Variants in GPR180 observed in about 807,000 individuals in gnomAD.
GPR180 encodes the protein G protein-coupled receptor 180, also known as integral membrane protein GPR180.
GPR180 carries 53 observed loss-of-function variants against 52.6 expected under a neutral mutation model. That is an observed-to-expected ratio of 1.01 (90% confidence interval 0.81 to 1.27). GPR180 has a LOEUF of 1.27. Among genes scored for constraint, GPR180 ranks in the 50% most tolerant of loss-of-function variants. GPR180 has a pLI of 0.00. For synonymous variants in GPR180, 200 were observed against 193.1 expected (o/e 1.04, Z -0.30); for missense variants, 533 against 527.0 (o/e 1.01, Z -0.11).
chr13:94,616,376 GCT>G (rs1471418219), intron 3 of GPR180, among the ~76,000 whole-genome samples: 1 of 152,196 alleles, frequency 6.6e-6, no homozygotes, highest in Non-Finnish European at 1.5e-5. Context: ...GACCACTGGG[GCT>G]CTGAGACAAG....
At chr13:94,602,117 C>T (rs1300544046) in intron 1 of GPR180, 45 bp downstream of exon 1, 4 of 1,278,576 alleles carry the variant, frequency 3.1e-6, no homozygotes, top group Non-Finnish European at 3.0e-6. Context: ...GCTGGCCCAT[C>T]CCGCCGGCTG....
At chr13:94,626,182 C>G in intron 8 of GPR180, 139 bp downstream of exon 8, 1 of 501,482 alleles carries the variant, frequency 2.0e-6, no homozygotes, top group Non-Finnish European at 3.5e-6. Context: ...AATAGTAAAC[C>G]AATAAGCAGA....
At chr13:94,625,266 T>C (rs532675773) in intron 7 of GPR180, among the ~76,000 whole-genome samples, 3 of 152,240 alleles carry the variant, frequency 2.0e-5, no homozygotes, top group Non-Finnish European at 4.4e-5. Context: ...GTTCTTAATT[T>C]ATCCTTCTGG....
intron 2 of GPR180, 130 bp downstream of exon 2, chr13:94,605,679 T>C: frequency 4.2e-6 from 3 of 708,926 alleles, no homozygotes. Flanking sequence ...CTTTGTCTAG[T>C]ACATTTTAAG....
chr13:94,621,371 T>C, intron 6 of GPR180, 136 bp downstream of exon 6: 1 of 604,246 alleles, frequency 1.7e-6, no homozygotes, highest in African/African-American at 1.9e-5. Flanking sequence ...TCTGAGCTTC[T>C]ACAATTTGTG....
At chr13:94,608,096 G>A (rs946748941) in intron 2 of GPR180, among the ~76,000 whole-genome samples, 25 of 152,092 alleles carry the variant, frequency 1.6e-4, no homozygotes, top group Admixed American at 9.2e-4. Flanking sequence ...CCTCATTTTC[G>A]TATGAGTCAT....
intron 2 of GPR180, among the ~76,000 whole-genome samples, chr13:94,611,134 C>T (rs1889697916): frequency 6.6e-6 from 1 of 152,124 alleles, no homozygotes; most frequent in Non-Finnish European, 1.5e-5. Context: ...AGGATTCAAA[C>T]ATACATCTGA....
chr13:94,627,262 T>C lies in GPR180; in HGVS notation c.*91T>C, dbSNP rs1889940970. ...TGACTTTTTTTTCATACATTTAGTA[T>C]GAAAACTTGAACAGCGAAAGCAGAG... On this transcript the variant is annotated 3_prime_UTR_variant, in exon 9 of 9. Transcript: ENST00000376958. The C allele has an allele frequency of 1.0e-5, 11 of 1,070,918 alleles. No individual in the cohort carries two copies. The Admixed American group carries it at 2.5e-4, about 24-fold the overall frequency. The allele number at this position is 1,070,918 out of a possible 1,614,324, so 66.3% of individuals were successfully genotyped here.
intron 3 of GPR180, among the ~76,000 whole-genome samples, chr13:94,613,066 A>G (rs1421426208): frequency 6.6e-6 from 1 of 152,230 alleles, no homozygotes; most frequent in East Asian, 1.9e-4. Context: ...TCTTATGATC[A>G]TGATGAACAT....
chr13:94,627,141 A>G lies in GPR180; in HGVS notation c.1293A>G (p.Ser431=), dbSNP rs1889939013. ...LSSVTLPLTI[S]SGHKSRPHF ...CAGTAACACTACCACTGACCATATC[A>G]TCTGGACACAAAAGTCGCCCTCATT... Residue 431 remains serine (S), a synonymous_variant, in exon 9 of 9, where the codon TCA becomes TCG. Coordinates refer to ENST00000376958, the MANE Select transcript of GPR180 (RefSeq NM_180989.6). The G allele has an allele frequency of 3.7e-6, 6 of 1,612,620 alleles. No homozygotes were observed. The highest frequency in any genetic ancestry group is 5.1e-6 in the Non-Finnish European group (6 of 1,179,342).
chr13:94,602,030 C>A lies in GPR180; in HGVS notation c.103C>A (p.Gln35Lys). The A allele has an allele frequency of 2.1e-6, 3 of 1,455,038 alleles. No individual in the cohort carries two copies. The highest frequency in any genetic ancestry group is 5.6e-5 in the East Asian group (2 of 35,420). The allele number at this position is 1,455,038 out of a possible 1,614,324, so 90.1% of individuals were successfully genotyped here. Residue 35 changes from glutamine to lysine, a missense_variant, in exon 1 of 9, where the codon CAG becomes AAG. Gln to Lys is a moderately conservative substitution (Grantham distance 53). Coordinates refer to ENST00000376958, the MANE Select transcript of GPR180 (RefSeq NM_180989.6). ...GGGCAGCTTCAGCAGCACCGCGGCC[C>A]AGGACGCCCAGGGCCAGCGCATCGG... ...LRGSFSSTAAQDAQGQRIGHF... is the reference protein window; with the variant it reads ...LRGSFSSTAAKDAQGQRIGHF...
chr13:94,623,416 T>TG (rs1466076207), intron 7 of GPR180, 116 bp downstream of exon 7: 2 of 764,674 alleles, frequency 2.6e-6, no homozygotes, highest in Non-Finnish European at 4.2e-6. Context: ...TTGGGCACAG[T>TG]GGCTCACTCC....
In GPR180 at chr13:94,627,731, G is replaced by T. The variant is rs1889946388; in HGVS notation, c.*560G>T. 6.6e-6 allele frequency: 1 copy of T among 152,044 alleles called. No individual in the cohort carries two copies. Among genetic ancestry groups the T allele is most frequent in the East Asian group, 1.9e-4 (1 of 5,202 alleles). 9.4% of individuals were successfully genotyped at this position (152,044 alleles called of 1,614,324 possible). On this transcript the variant is annotated 3_prime_UTR_variant, in exon 9 of 9. Coordinates refer to ENST00000376958, the MANE Select transcript of GPR180 (RefSeq NM_180989.6). Reference sequence around the variant, plus strand: ...ATGAATAAGCTTTTGTTTATTTGTGGGTGGAGTTATTCTCCAATTTTTTCT... The same window carrying T: ...ATGAATAAGCTTTTGTTTATTTGTGTGTGGAGTTATTCTCCAATTTTTTCT...
chr13:94,624,743 C>T (rs1889903011), intron 7 of GPR180, among the ~76,000 whole-genome samples: 1 of 152,136 alleles, frequency 6.6e-6, no homozygotes, highest in Admixed American at 6.5e-5. Context: ...GGGGTTTCAC[C>T]GTGTTAGCCA....
At chr13:94,618,638 T>C (rs552339685) in intron 3 of GPR180, among the ~76,000 whole-genome samples, 2 of 152,088 alleles carry the variant, frequency 1.3e-5, no homozygotes, top group South Asian at 4.1e-4. Flanking sequence ...TCTGATTCAA[T>C]AGATCAAAAA....
rs747389596 is a variant in GPR180 at position 94,623,162 on chromosome 13, T to G, written c.948T>G (p.His316Gln). The G allele has an allele frequency of 2.5e-6, 4 of 1,614,076 alleles. No homozygotes were observed. Among genetic ancestry groups the G allele is most frequent in the Non-Finnish European group, 3.4e-6 (4 of 1,179,966 alleles). The change falls in exon 7 of 9, where the codon CAT (histidine) becomes CAG (glutamine). Residue 316 changes from histidine (H) to glutamine (Q), a missense_variant. Coordinates refer to ENST00000376958, the MANE Select transcript of GPR180 (RefSeq NM_180989.6). Reference sequence around the variant, plus strand: ...AAGATATCAGTCATCATAGCTACCATTCACACCACAACTTAGCAGGGATCC... The same window carrying G: ...AAGATATCAGTCATCATAGCTACCAGTCACACCACAACTTAGCAGGGATCC... ...QFEDISHHSY[H>Q]SHHNLAGILL...
chr13:94,618,420 A>ATTTTTTTT lies in GPR180; in HGVS notation c.506-714_506-707dup, dbSNP rs570807308. Among the ~76,000 whole-genome samples the ATTTTTTTT allele has an allele frequency of 1.8e-3, 155 of 87,122 alleles. 31 individuals are homozygous for ATTTTTTTT. The highest frequency in any genetic ancestry group is 8.1e-3 in the African/African-American group (128 of 15,824). The allele number at this position is 87,122 out of a possible 152,430, so 57.2% of individuals were successfully genotyped here. ...CATGGAGTCGCATGATCAGCACAGG[A>ATTTTTTTT]TTTTTTTTTTTTTTTTTTTTTTTGG... On this transcript the variant is annotated intron_variant, in intron 3 of 8. Coordinates refer to ENST00000376958, the MANE Select transcript of GPR180 (RefSeq NM_180989.6).
Position 94,620,066 on chromosome 13 carries a change from T to C in GPR180, c.736+549T>C, listed in dbSNP as rs1889832485. 2.6e-5 allele frequency among the ~76,000 whole-genome samples: 4 copies of C among 152,202 alleles called. No homozygotes were observed. The South Asian group carries it at 8.3e-4, about 32-fold the overall frequency. Reference sequence around the variant, plus strand: ...TATTTATATACATTCTCTCATCTTATCCTCAATAGAAAAGGGGTCTGCATA... The same window carrying C: ...TATTTATATACATTCTCTCATCTTACCCTCAATAGAAAAGGGGTCTGCATA... On this transcript the variant is annotated intron_variant, in intron 5 of 8. Transcript: ENST00000376958.
In GPR180 at chr13:94,603,369, C is replaced by T. The variant is rs1435577095; in HGVS notation, c.145+1297C>T. Among the ~76,000 whole-genome samples, 3 of 152,256 alleles carry T rather than the reference C, an allele frequency of 2.0e-5. No homozygotes were observed. In the East Asian group the frequency reaches 5.8e-4, roughly 29 times the overall value. Reference sequence around the variant, plus strand: ...GGACCAGCAGAGAGACTTGGACGACCTCATAGTTCCTGATGATCATCTGGT... The same window carrying T: ...GGACCAGCAGAGAGACTTGGACGACTTCATAGTTCCTGATGATCATCTGGT... On this transcript the variant is annotated intron_variant, in intron 1 of 8. Transcript: ENST00000376958.
Sources: gnomAD v4.1 joint callset for allele counts (sites outside exome capture counted in the v4.1 genomes callset) on GRCh38, gnomAD v4.1.1 for gene constraint, MANE v1.5 for transcripts, NCBI Gene and HGNC (gene_info 2026-07-23, HGNC 2026-07-21) for gene names.